Variants in BMP6 observed in about 807,000 individuals in gnomAD.
The protein encoded by BMP6 is VG-1-R.
A neutral mutation model predicts 54.1 loss-of-function variants in BMP6; 17 were observed. The ratio of observed to expected loss-of-function variants is 0.31; its 90% CI spans 0.22 to 0.47. BMP6 has a LOEUF of 0.47. Ranked by LOEUF, BMP6 falls within the 20% of genes least tolerant of loss-of-function variation. The probability of loss-of-function intolerance (pLI) is 1.00; values close to 1 mark genes in which losing one functional copy is unlikely to be tolerated. For synonymous variants in BMP6, 328 were observed against 291.2 expected (o/e 1.13, Z -1.28); for missense variants, 720 against 690.4 (o/e 1.04, Z -0.48).
chr6:7,781,200 C>A (rs1248907195), intron 1 of BMP6, among the ~76,000 whole-genome samples: 1 of 152,190 alleles, frequency 6.6e-6, no homozygotes, highest in Non-Finnish European at 1.5e-5. Flanking sequence ...TTAATCCTCA[C>A]CAAATTTCTG....
intron 1 of BMP6, among the ~76,000 whole-genome samples, chr6:7,737,517 ATTGT>A (rs1254716267): frequency 6.6e-6 from 1 of 151,842 alleles, no homozygotes; most frequent in Admixed American, 6.6e-5. Flanking sequence ...ATTTGTTGAG[ATTGT>A]TTGACCCTGT....
chr6:7,774,677 C>T (rs766364353), intron 1 of BMP6, among the ~76,000 whole-genome samples: 53 of 152,304 alleles, frequency 3.5e-4, no homozygotes, highest in Middle Eastern at 6.8e-3. Flanking sequence ...CCACTGCACT[C>T]CAGCCTGGAT....
At chr6:7,742,914 C>G (rs1018610901) in intron 1 of BMP6, among the ~76,000 whole-genome samples, 3 of 152,152 alleles carry the variant, frequency 2.0e-5, no homozygotes, top group East Asian at 1.9e-4. Flanking sequence ...ATCTTTCCCC[C>G]CCTTCTTATC....
chr6:7,846,440 C>T (rs549912532), intron 2 of BMP6, among the ~76,000 whole-genome samples: 8 of 152,118 alleles, frequency 5.3e-5, no homozygotes, highest in East Asian at 3.8e-4. Context: ...TTAATTTGTC[C>T]GTGAAAGGTT....
intron 4 of BMP6, among the ~76,000 whole-genome samples, chr6:7,863,619 G>A (rs918644716): frequency 6.6e-6 from 1 of 152,160 alleles, no homozygotes; most frequent in African/African-American, 2.4e-5. Flanking sequence ...TCACCCGGGA[G>A]CTAAGGAATA....
chr6:7,731,152 C>T (rs150570688), intron 1 of BMP6, among the ~76,000 whole-genome samples: 2 of 152,218 alleles, frequency 1.3e-5, no homozygotes, highest in Non-Finnish European at 2.9e-5. Flanking sequence ...TGCTAACCGT[C>T]TGCTGCCTGG....
intron 4 of BMP6, among the ~76,000 whole-genome samples, chr6:7,875,039 TG>T (rs1298560958): frequency 3.9e-5 from 6 of 151,942 alleles, no homozygotes; most frequent in Non-Finnish European, 8.8e-5. Flanking sequence ...GGAAAGCTGG[TG>T]GTGTAATTCA....
At chr6:7,816,609 C>T (rs866917960) in intron 1 of BMP6, among the ~76,000 whole-genome samples, 2 of 152,090 alleles carry the variant, frequency 1.3e-5, no homozygotes, top group Admixed American at 6.6e-5. Context: ...AGTTAAAGCC[C>T]CATCCATAAT....
At chr6:7,807,501 G>A (rs962339845) in intron 1 of BMP6, among the ~76,000 whole-genome samples, 11 of 152,152 alleles carry the variant, frequency 7.2e-5, no homozygotes, top group South Asian at 6.2e-4. Context: ...GACTGGTCTC[G>A]AACTCCTGAC....
At chr6:7,798,637 G>T (rs1235919880) in intron 1 of BMP6, among the ~76,000 whole-genome samples, 1 of 152,188 alleles carries the variant, frequency 6.6e-6, no homozygotes, top group Non-Finnish European at 1.5e-5. Flanking sequence ...ATCCTCAGAT[G>T]TTCCTTCCAC....
chr6:7,760,650 T>C (rs1456034857), intron 1 of BMP6, among the ~76,000 whole-genome samples: 10 of 152,104 alleles, frequency 6.6e-5, no homozygotes. Flanking sequence ...GTATTTTTAG[T>C]AGAGATGGGG....
intron 1 of BMP6, among the ~76,000 whole-genome samples, chr6:7,781,511 C>T (rs1757948874): frequency 6.6e-6 from 1 of 151,520 alleles, no homozygotes; most frequent in Non-Finnish European, 1.5e-5. Flanking sequence ...TGGCCTTTAG[C>T]ATTTGTTAGT....
intron 1 of BMP6, among the ~76,000 whole-genome samples, chr6:7,748,278 G>A (rs536710782): frequency 2.6e-5 from 4 of 152,298 alleles, no homozygotes; most frequent in Non-Finnish European, 5.9e-5. Flanking sequence ...TACATGTAAA[G>A]AGCCTAGCCC....
chr6:7,797,336 T>C lies in BMP6; in HGVS notation c.665-47804T>C, dbSNP rs532732985. Among the ~76,000 whole-genome samples the C allele has an allele frequency of 1.4e-4, 21 of 152,314 alleles. No homozygotes were observed. The South Asian group carries it at 4.1e-3, about 30-fold the overall frequency. The stretch of plus-strand genomic sequence containing the variant: ...CACACAAAACATGAGCTGTTACACA[T>C]CCCGAGTAATGAAGTGTATAGTCGC... On this transcript the variant is annotated intron_variant, in intron 1 of 6. Transcript: ENST00000283147.
At chr6:7,863,470 A>G (rs1759368406) in intron 4 of BMP6, among the ~76,000 whole-genome samples, 1 of 152,160 alleles carries the variant, frequency 6.6e-6, no homozygotes, top group Non-Finnish European at 1.5e-5. Flanking sequence ...ACCCTTGGCA[A>G]CCTCAACCTC....
chr6:7,727,894 G>A (rs113153337), intron 1 of BMP6, among the ~76,000 whole-genome samples: 74 of 151,318 alleles, frequency 4.9e-4, no homozygotes, highest in Non-Finnish European at 8.3e-4. Context: ...TCCCCAGCGG[G>A]CGTGTATTTG....
intron 1 of BMP6, among the ~76,000 whole-genome samples, chr6:7,768,182 G>T (rs1468026664): frequency 6.6e-6 from 1 of 152,148 alleles, no homozygotes; most frequent in Admixed American, 6.5e-5. Flanking sequence ...GTGCTCTGGT[G>T]TATTGCAAAC....
At chr6:7,839,122 G>C (rs993271416) in intron 1 of BMP6, among the ~76,000 whole-genome samples, 14 of 152,076 alleles carry the variant, frequency 9.2e-5, no homozygotes, top group South Asian at 2.1e-4. Flanking sequence ...ACAAAATTTA[G>C]ACAGTTTTTT....
intron 1 of BMP6, among the ~76,000 whole-genome samples, chr6:7,736,268 G>A (rs1761954301): frequency 6.6e-6 from 1 of 152,184 alleles, no homozygotes; most frequent in Admixed American, 6.5e-5. Flanking sequence ...CTTGTGCCCT[G>A]TTTGATCCAT....
Sources: allele counts gnomAD v4.1 joint callset (sites outside exome capture counted in the v4.1 genomes callset), GRCh38; gene constraint gnomAD v4.1.1; transcripts MANE v1.5; gene names NCBI Gene and HGNC (gene_info 2026-07-23, HGNC 2026-07-21).